The following MAP2K5 variants were observed in gnomAD, a reference collection of about 807,000 sequenced individuals.
MAP2K5 encodes the protein mitogen-activated protein kinase kinase 5.
In MAP2K5, 49 loss-of-function variants were observed where a neutral mutation model predicts 83.1. That is an observed-to-expected ratio of 0.59 (90% CI 0.47 to 0.75). The LOEUF (loss-of-function observed/expected upper bound fraction) is 0.75, where lower values mean the gene tolerates loss of function less well. Among genes scored for constraint, MAP2K5 ranks in the 30% least tolerant of loss-of-function variants. The probability of loss-of-function intolerance (pLI) is 0.00; values close to 1 mark genes in which losing one functional copy is unlikely to be tolerated. For missense variants in MAP2K5, 457 were observed against 557.5 expected (o/e 0.82, Z 1.82); for synonymous variants, 202 against 191.8 (o/e 1.05, Z -0.44).
At chr15:67,696,466 G>A (rs774817127) in intron 15 of MAP2K5, among the ~76,000 whole-genome samples, 33 of 152,126 alleles carry the variant, frequency 2.2e-4, no homozygotes, top group Non-Finnish European at 4.7e-4. Flanking sequence ...TACCGAAAAA[G>A]TTTGCCAGCC....
intron 3 of MAP2K5, among the ~76,000 whole-genome samples, chr15:67,580,501 A>T (rs2085155007): frequency 6.6e-6 from 1 of 151,226 alleles, no homozygotes; most frequent in Non-Finnish European, 1.5e-5. Context: ...AATATTTCTT[A>T]AATACTAATA....
rs1251300104 is a variant in MAP2K5 at position 67,770,926 on chromosome 15, T to C, written c.1196+1263T>C. On this transcript the variant is annotated intron_variant, in intron 20 of 21. Transcript: ENST00000178640. This position sits in a 1 kb window ranked among gnomAD's most constrained non-coding sequence, Gnocchi z 5.0. ...TGTTTCTATTTATTTAAAATACTTATATAATATTGTGTAGCTTTTAAAAAC... is the reference window on the plus strand; with the variant it reads ...TGTTTCTATTTATTTAAAATACTTACATAATATTGTGTAGCTTTTAAAAAC... Among the ~76,000 whole-genome samples, 2 of 152,182 alleles carry C rather than the reference T, an allele frequency of 1.3e-5. No individual in the cohort carries two copies. The highest frequency in any genetic ancestry group is 1.9e-4 in the East Asian group (1 of 5,202).
rs77575909 is a variant in MAP2K5 at position 67,635,969 on chromosome 15, T to C, written c.585+5042T>C. Among the ~76,000 whole-genome samples the C allele has an allele frequency of 7.0e-3, 1,060 of 152,320 alleles. 13 individuals carry two copies. The highest frequency in any genetic ancestry group is 0.024 in the African/African-American group (1,002 of 41,578). On this transcript the variant is annotated intron_variant, in intron 9 of 21. Coordinates refer to ENST00000178640, the MANE Select transcript of MAP2K5 (RefSeq NM_145160.3). ...GTTTAAAACTTCCTCTGCTTTCTTT[T>C]TTTTTGTTTTTATAAATAAAGATGG...
chr15:67,713,958 G>A (rs2088763975), intron 16 of MAP2K5, among the ~76,000 whole-genome samples: 1 of 152,196 alleles, frequency 6.6e-6, no homozygotes, highest in Non-Finnish European at 1.5e-5. Context: ...TGTGATCTTA[G>A]CCAGTTCAGT....
At chr15:67,706,081 A>T (rs1404353119) in intron 16 of MAP2K5, among the ~76,000 whole-genome samples, 1 of 152,176 alleles carries the variant, frequency 6.6e-6, no homozygotes, top group African/African-American at 2.4e-5. Context: ...ATGACTATAG[A>T]CAGGCAGGTG....
intron 8 of MAP2K5, among the ~76,000 whole-genome samples, chr15:67,602,646 GGCTT>G (rs1404602716): frequency 6.6e-6 from 1 of 152,128 alleles, no homozygotes; most frequent in Admixed American, 6.6e-5. Flanking sequence ...TTAAAACATA[GGCTT>G]GTTTGTTTGT....
chr15:67,556,436 G>GAC (rs151210048), intron 2 of MAP2K5, among the ~76,000 whole-genome samples: 2 of 151,972 alleles, frequency 1.3e-5, no homozygotes, highest in Admixed American at 6.6e-5. Context: ...AATGAGGTTA[G>GAC]ACACACACAC....
At chr15:67,771,161 G>GCCTCATTT (rs2090134098) in intron 20 of MAP2K5, among the ~76,000 whole-genome samples, 5 of 2,902 alleles carry the variant, frequency 1.7e-3, no homozygotes, top group Admixed American at 3.9e-3. Context: ...ACATGGTAAT[G>GCCTCATTT]TGTACCATGT....
intron 16 of MAP2K5, 140 bp from the exon 17 acceptor site, chr15:67,727,776 A>G (rs1366426852): frequency 9.4e-6 from 7 of 742,244 alleles, no homozygotes; most frequent in Admixed American, 7.7e-5. Flanking sequence ...AATTACAGCA[A>G]TAATTTAGTT....
At chr15:67,766,802 C>T (rs2090049915) in intron 19 of MAP2K5, among the ~76,000 whole-genome samples, 1 of 152,206 alleles carries the variant, frequency 6.6e-6, no homozygotes. Flanking sequence ...GTGTTAACAG[C>T]TTGCATACTT....
intron 9 of MAP2K5, among the ~76,000 whole-genome samples, chr15:67,632,696 C>G (rs2086502603): frequency 1.3e-5 from 2 of 152,202 alleles, no homozygotes; most frequent in African/African-American, 4.8e-5. Flanking sequence ...TGATCTCTTT[C>G]TCTAACAGTT....
intron 19 of MAP2K5, among the ~76,000 whole-genome samples, chr15:67,751,552 A>C (rs754663363): frequency 6.6e-6 from 1 of 152,168 alleles, no homozygotes; most frequent in East Asian, 1.9e-4. Context: ...ATCTTTGGGG[A>C]ATAAGTCGGC....
At chr15:67,740,574 T>C (rs2089470309) in intron 17 of MAP2K5, among the ~76,000 whole-genome samples, 1 of 151,960 alleles carries the variant, frequency 6.6e-6, no homozygotes, top group South Asian at 2.1e-4. Flanking sequence ...TCTTGAGCAA[T>C]AGAGTGAGAC....
At chr15:67,584,822 G>A (rs1024590781) in intron 4 of MAP2K5, among the ~76,000 whole-genome samples, 3 of 151,068 alleles carry the variant, frequency 2.0e-5, no homozygotes, top group African/African-American at 7.3e-5. Context: ...TCAGCCTCCC[G>A]AGTAGCTGGG....
Position 67,585,877 on chromosome 15 carries a change from A to G in MAP2K5, c.323-13A>G. On this transcript the variant is annotated splice_polypyrimidine_tract_variant and intron_variant, in intron 4 of 21. Coordinates refer to ENST00000178640, the MANE Select transcript of MAP2K5 (RefSeq NM_145160.3). ...CCTGATGTGTTCTACAATTTAGTCA[A>G]TTACTGTTTCAGCCTGCAAGCCTCC... The G allele has an allele frequency of 1.9e-6, 3 of 1,613,158 alleles. No individual in the cohort carries two copies. Among genetic ancestry groups the G allele is most frequent in the Non-Finnish European group, 2.5e-6 (3 of 1,179,106 alleles).
At chr15:67,734,418 T>C (rs189103153) in intron 17 of MAP2K5, among the ~76,000 whole-genome samples, 2 of 152,352 alleles carry the variant, frequency 1.3e-5, no homozygotes, top group Admixed American at 1.3e-4. Context: ...ATTTATTTTG[T>C]AGTAATAAAT....
intron 8 of MAP2K5, among the ~76,000 whole-genome samples, chr15:67,610,375 G>C (rs970930070): frequency 4.6e-5 from 7 of 152,124 alleles, no homozygotes; most frequent in Admixed American, 2.6e-4. Context: ...TGGATTAAAT[G>C]TATGGTTGTG....
intron 19 of MAP2K5, among the ~76,000 whole-genome samples, chr15:67,752,534 C>T (rs556603859): frequency 5.9e-5 from 9 of 151,478 alleles, no homozygotes; most frequent in Admixed American, 2.6e-4. Flanking sequence ...AAAAATGAGC[C>T]GAGCCGGCTG....
Position 67,543,150 on chromosome 15 carries a change from C to T in MAP2K5, c.-186C>T. 1 of 618,046 alleles carries T rather than the reference C, an allele frequency of 1.6e-6. No individual in the cohort carries two copies. The highest frequency in any genetic ancestry group is 2.9e-6 in the Non-Finnish European group (1 of 350,804). The allele number at this position is 618,046 out of a possible 1,614,324, so 38.3% of individuals were successfully genotyped here. A position where few individuals can be genotyped will look rare whatever the true frequency, so the allele number is the denominator to read the frequency against. On this transcript the variant is annotated 5_prime_UTR_variant, in exon 1 of 22. Transcript: ENST00000178640. The surrounding 1 kb of genome is among the most constrained non-coding windows in gnomAD (Gnocchi z 4.3). ...CACCTCAGACCCCCGACAGCCTGGG[C>T]AGGCTCGGTGCCTGCGGGTGCGTTC...
Sources: gnomAD v4.1 joint callset for allele counts (sites outside exome capture counted in the v4.1 genomes callset) on GRCh38, gnomAD v4.1.1 for gene constraint, Gnocchi (gnomAD v3.1) non-coding constraint, MANE v1.5 for transcripts, NCBI Gene and HGNC (gene_info 2026-07-23, HGNC 2026-07-21) for gene names.